RYR2: variants seen among roughly 807,000 people sequenced by gnomAD.
RYR2 encodes cardiac muscle ryanodine receptor-calcium release channel.
Under a neutral mutation model 601.1 loss-of-function variants are expected in RYR2, and 227 were observed. The ratio of observed to expected loss-of-function variants is 0.38; its 90% CI spans 0.34 to 0.42. The LOEUF is 0.42. RYR2 is among the 10% of genes least tolerant of loss of function. RYR2 has a pLI of 1.00. For missense variants in RYR2, 4,646 were observed against 6,156.5 expected (o/e 0.75, Z 8.21); for synonymous variants, 2,223 against 2,175.1 (o/e 1.02, Z -0.61).
intron 1 of RYR2, among the ~76,000 whole-genome samples, chr1:237,104,277 T>C (rs1311453568): frequency 1.3e-5 from 2 of 152,266 alleles, no homozygotes; most frequent in South Asian, 2.1e-4. Flanking sequence ...CATCCCTCAG[T>C]AGGGACAAGG....
intron 82 of RYR2, among the ~76,000 whole-genome samples, chr1:237,759,353 T>C (rs1693222614): frequency 6.6e-6 from 1 of 152,140 alleles, no homozygotes; most frequent in East Asian, 1.9e-4. Context: ...CCCAAAGTGC[T>C]GGGATTACGG....
At chr1:237,183,161 T>G (rs1350448153) in intron 1 of RYR2, among the ~76,000 whole-genome samples, 1 of 152,196 alleles carries the variant, frequency 6.6e-6, no homozygotes, top group African/African-American at 2.4e-5. Flanking sequence ...TCACCACCAA[T>G]CCTTCTCTTT....
intron 1 of RYR2, among the ~76,000 whole-genome samples, chr1:237,252,696 A>G (rs1164786694): frequency 1.3e-5 from 2 of 152,180 alleles, no homozygotes; most frequent in East Asian, 3.8e-4. Context: ...TTAAAATTAT[A>G]TTTTGATTAA....
chr1:237,828,313 G>A lies in RYR2; in HGVS notation c.14591-68G>A. On this transcript the variant is annotated intron_variant, in intron 101 of 104. Coordinates refer to ENST00000366574, the MANE Select transcript of RYR2 (RefSeq NM_001035.3). The stretch of plus-strand genomic sequence containing the variant: ...TTGTACATCTCCCCTTTCCCTGGGG[G>A]GATTAGCCAAGGAACTGAATTATTC... The A allele has an allele frequency of 3.6e-6, 4 of 1,111,296 alleles. No individual in the cohort carries two copies. The South Asian group carries it at 4.3e-5, about 12-fold the overall frequency. 68.8% of individuals were successfully genotyped at this position (1,111,296 alleles called of 1,614,324 possible).
intron 90 of RYR2, among the ~76,000 whole-genome samples, chr1:237,785,426 G>C (rs1421085945): frequency 6.6e-6 from 1 of 152,138 alleles, no homozygotes; most frequent in East Asian, 1.9e-4. Context: ...TATTTTCCAA[G>C]TGTCTGACAG....
chr1:237,673,185 C>G (rs546103945), intron 58 of RYR2, among the ~76,000 whole-genome samples: 1 of 152,148 alleles, frequency 6.6e-6, no homozygotes, highest in Non-Finnish European at 1.5e-5. Context: ...GGTAGTTGAG[C>G]CTCTCACACA....
chr1:237,566,903 A>C, intron 28 of RYR2, 128 bp downstream of exon 28: 2 of 972,342 alleles, frequency 2.1e-6, no homozygotes. Flanking sequence ...ATTTCACAGG[A>C]AAGCTTTTGT....
intron 2 of RYR2, among the ~76,000 whole-genome samples, chr1:237,311,760 C>T (rs372672558): frequency 9.2e-5 from 14 of 151,980 alleles, no homozygotes; most frequent in African/African-American, 1.9e-4. Context: ...ATTACAGGCG[C>T]GAACCACCAT....
chr1:237,411,086 T>G (rs1572201042), intron 10 of RYR2, among the ~76,000 whole-genome samples: 1 of 151,982 alleles, frequency 6.6e-6, no homozygotes, highest in East Asian at 1.9e-4. Context: ...ATTTTACTCA[T>G]GTGTGGAATT....
chr1:237,806,390 T>A, intron 99 of RYR2, 107 bp downstream of exon 99: 1 of 1,121,150 alleles, frequency 8.9e-7, no homozygotes, highest in Non-Finnish European at 1.3e-6. Flanking sequence ...TTTAAAGATT[T>A]TTTTGAAGGG....
chr1:237,193,676 C>CT (rs1467712951), intron 1 of RYR2, among the ~76,000 whole-genome samples: 2 of 152,054 alleles, frequency 1.3e-5, no homozygotes, highest in Non-Finnish European at 2.9e-5. Flanking sequence ...ATTTGGATTT[C>CT]TTTTTTATGT....
intron 95 of RYR2, among the ~76,000 whole-genome samples, chr1:237,794,874 T>C (rs1272296191): frequency 3.3e-5 from 5 of 152,262 alleles, no homozygotes; most frequent in African/African-American, 1.2e-4. Context: ...TTTGCTGCTA[T>C]GCTCGAAGTT....
At chr1:237,380,661 G>A (rs1032574475) in intron 8 of RYR2, among the ~76,000 whole-genome samples, 8 of 151,872 alleles carry the variant, frequency 5.3e-5, no homozygotes, top group Non-Finnish European at 1.2e-4. Context: ...GGTTAAAGAA[G>A]TTAGGCATGG....
intron 100 of RYR2, among the ~76,000 whole-genome samples, chr1:237,814,339 C>A (rs976313070): frequency 1.3e-5 from 2 of 152,292 alleles, no homozygotes; most frequent in Admixed American, 1.3e-4. Flanking sequence ...CGTGTCCTTT[C>A]ACAGGGCGAT....
chr1:237,058,961 C>T (rs1340813561), intron 1 of RYR2, among the ~76,000 whole-genome samples: 1 of 152,012 alleles, frequency 6.6e-6, no homozygotes, highest in Non-Finnish European at 1.5e-5. Flanking sequence ...ACATTTTCTG[C>T]AGAAATTTTT....
At chr1:237,571,397 C>G (rs2779406) in intron 29 of RYR2, among the ~76,000 whole-genome samples, 2 of 150,234 alleles carry the variant, frequency 1.3e-5, no homozygotes, top group Non-Finnish European at 3.0e-5. Context: ...TCACTGCAAC[C>G]TCCGCCTCCC....
chr1:237,665,397 C>CAAAAA (rs71162408), intron 56 of RYR2, among the ~76,000 whole-genome samples: 1 of 95,596 alleles, frequency 1.0e-5, no homozygotes, highest in African/African-American at 5.4e-5. Flanking sequence ...GACTCTGTCT[C>CAAAAA]AAAAAAAAAA....
chr1:237,208,868 T>G (rs1682116403), intron 1 of RYR2, among the ~76,000 whole-genome samples: 1 of 147,596 alleles, frequency 6.8e-6, no homozygotes, highest in Non-Finnish European at 1.5e-5. Flanking sequence ...TCTTTGTATT[T>G]CCCCTCGCTA....
chr1:237,507,880 G>T (rs78157830), intron 23 of RYR2, among the ~76,000 whole-genome samples: 4,119 of 152,302 alleles, frequency 0.027, 84 homozygotes, highest in Middle Eastern at 0.099. Context: ...CCAGAAAATG[G>T]GATGCTTTTA....
Sources: allele counts gnomAD v4.1 joint callset (sites outside exome capture counted in the v4.1 genomes callset), GRCh38; gene constraint gnomAD v4.1.1; transcripts MANE v1.5; gene names NCBI Gene and HGNC (gene_info 2026-07-23, HGNC 2026-07-21).